GANAB: variants seen among roughly 807,000 people sequenced by gnomAD.
GANAB encodes neutral alpha-glucosidase AB.
GANAB carries 35 observed loss-of-function variants against 129.9 expected under a neutral mutation model. The ratio of observed to expected loss-of-function variants is 0.27; its 90% CI spans 0.21 to 0.36. The LOEUF (loss-of-function observed/expected upper bound fraction) is 0.36, where lower values mean the gene tolerates loss of function less well. Among genes scored for constraint, GANAB ranks in the 10% least tolerant of loss-of-function variants. The pLI is 1.00. For missense variants in GANAB, 939 were observed against 1,221.0 expected (o/e 0.77, Z 3.44); for synonymous variants, 482 against 451.8 (o/e 1.07, Z -0.85).
chr11:62,644,201 C>T (rs1453871707), intron 1 of GANAB, among the ~76,000 whole-genome samples: 5 of 152,084 alleles, frequency 3.3e-5, no homozygotes. Context: ...GCCTCGGCCT[C>T]CCAAAGTGCT....
rs752771425 is a variant in GANAB, at chr11:62,625,792, C to G, written c.*23G>C. ...AGCACTAATGCTCCCCTTCCCTCCC[C>G]CTAACCCAGAACATCCCTTGGGTTA... is the stretch of plus-strand genomic sequence containing the variant. On this transcript the variant is annotated 3_prime_UTR_variant, in exon 24 of 24. Transcript: ENST00000356638. 7.0e-7 allele frequency: 1 copy of G among 1,430,504 alleles called. No individual in the cohort carries two copies. Among genetic ancestry groups the G allele is most frequent in the South Asian group, 1.1e-5 (1 of 87,360 alleles). The allele number at this position is 1,430,504 out of a possible 1,614,324, so 88.6% of individuals were successfully genotyped here. A position where few individuals can be genotyped will look rare whatever the true frequency, so the allele number is the denominator to read the frequency against.
chr11:62,631,713 G>A (rs1250183677), intron 9 of GANAB, among the ~76,000 whole-genome samples: 2 of 151,880 alleles, frequency 1.3e-5, no homozygotes, highest in African/African-American at 4.8e-5. Context: ...TGTCCACCTC[G>A]CCCTCCCAAA....
In GANAB at chr11:62,629,628, A is replaced by G; in HGVS notation, c.1794T>C (p.Phe598=). The G allele has an allele frequency of 6.2e-7, 1 of 1,613,104 alleles. No individual in the cohort carries two copies. Among genetic ancestry groups the G allele is most frequent in the Non-Finnish European group, 8.5e-7 (1 of 1,179,568 alleles). ...RQRSGGMERP[F]VLARAFFAGS... ...CAGCGAAGAAGGCCCTGGCCAGGAC[A>G]AAGGGGCGTTCCATGCCCCCAGAGC... The change falls in exon 15 of 24, where the codon TTT becomes TTC. Residue 598 remains phenylalanine, a synonymous_variant. Coordinates refer to ENST00000356638, the MANE Select transcript of GANAB (RefSeq NM_198334.3).
chr11:62,630,819 G>A lies in GANAB; in HGVS notation c.1168C>T (p.Pro390Ser). 6.2e-7 allele frequency: 1 copy of A among 1,613,702 alleles called. No homozygotes were observed. Among genetic ancestry groups the A allele is most frequent in the Non-Finnish European group, 8.5e-7 (1 of 1,179,846 alleles). ...ASLTGTQALP[P>S]LFSLGYHQSR... ...TGGTGGTAGCCGAGGGAGAAGAGTGGGGGCAACGCCTGGGTTCCTGCAGGT... is the reference window on the plus strand; with the variant it reads ...TGGTGGTAGCCGAGGGAGAAGAGTGAGGGCAACGCCTGGGTTCCTGCAGGT... The change falls in exon 11 of 24, where the codon CCA becomes TCA. Residue 390 changes from proline to serine, a missense_variant. Coordinates refer to ENST00000356638, the MANE Select transcript of GANAB (RefSeq NM_198334.3).
chr11:62,635,567 A>G (rs902680373), intron 4 of GANAB, among the ~76,000 whole-genome samples: 1 of 132,692 alleles, frequency 7.5e-6, no homozygotes, highest in Non-Finnish European at 1.6e-5. Flanking sequence ...ATGGAACTGA[A>G]AAAACATTTT....
intron 1 of GANAB, among the ~76,000 whole-genome samples, chr11:62,645,896 GAT>G (rs375601342): frequency 2.6e-5 from 4 of 152,188 alleles, no homozygotes; most frequent in Admixed American, 1.3e-4. Context: ...TGGCACTGGT[GAT>G]ATGTTTCGAA....
At position 62,628,936 on chromosome 11, in the gene GANAB, T is replaced by C. The variant is rs569702178; in HGVS notation, c.2013A>G (p.Pro671=). ...VRWYQMGAYQ[P]FFRAHAHLDT... ...CCAAGTGGGCATGTGCCCGGAAGAA[T>C]GGCTGGTAAGCACCCATCTGGTACC... Residue 671 remains proline, a synonymous_variant, in exon 17 of 24, where the codon CCA becomes CCG. Coordinates refer to ENST00000356638, the MANE Select transcript of GANAB (RefSeq NM_198334.3). 13 of 1,614,144 alleles carry C rather than the reference T, an allele frequency of 8.1e-6. No individual in the cohort carries two copies. In the East Asian group the frequency reaches 2.0e-4, roughly 25 times the overall value.
chr11:62,630,822 G>A lies in GANAB; in HGVS notation c.1165C>T (p.Pro389Ser). 1.9e-6 allele frequency: 3 copies of A among 1,613,332 alleles called. No individual in the cohort carries two copies. Among genetic ancestry groups the A allele is most frequent in the Non-Finnish European group, 2.5e-6 (3 of 1,179,612 alleles). Reference protein sequence around the residue: ...YASLTGTQALPPLFSLGYHQS... With the variant: ...YASLTGTQALSPLFSLGYHQS... Reference sequence around the variant, plus strand: ...TGGTAGCCGAGGGAGAAGAGTGGGGGCAACGCCTGGGTTCCTGCAGGTTCA... The same window carrying A: ...TGGTAGCCGAGGGAGAAGAGTGGGGACAACGCCTGGGTTCCTGCAGGTTCA... The change falls in exon 11 of 24, where the codon CCC (proline) becomes TCC (serine). Residue 389 changes from proline (P) to serine (S), a missense_variant. By Grantham distance (74) the Pro-to-Ser change is moderately conservative. Transcript: ENST00000356638.
In GANAB at chr11:62,625,351, G is replaced by C. The variant is rs766091367; in HGVS notation, c.*464C>G. ...CATAAAAAGGGGAGTAAAGCCTGGA[G>C]GAAGAAATGAAAGGTGGGAGAGCAA... On this transcript the variant is annotated 3_prime_UTR_variant, in exon 24 of 24. Coordinates refer to ENST00000356638, the MANE Select transcript of GANAB (RefSeq NM_198334.3). 3 of 450,470 alleles carry C rather than the reference G, an allele frequency of 6.7e-6. No individual in the cohort carries two copies. Among genetic ancestry groups the C allele is most frequent in the Non-Finnish European group, 4.5e-6 (1 of 224,590 alleles). The allele number at this position is 450,470 out of a possible 1,614,324, so 27.9% of individuals were successfully genotyped here. A position where few individuals can be genotyped will look rare whatever the true frequency, so the allele number is the denominator to read the frequency against.
At chr11:62,634,424 C>T (rs1385075949) in intron 5 of GANAB, 2 of 1,216,522 alleles carry the variant, frequency 1.6e-6, no homozygotes, top group African/African-American at 3.0e-5. Flanking sequence ...GGCACAAAAC[C>T]AACACAAAAA....
At chr11:62,634,448 G>C (rs1287529872) in intron 5 of GANAB, 1 of 957,892 alleles carries the variant, frequency 1.0e-6, no homozygotes, top group South Asian at 1.3e-5. Flanking sequence ...AAACATAAAA[G>C]TGAGTTTCAG....
At chr11:62,642,973 T>C (rs1484447183) in intron 1 of GANAB, among the ~76,000 whole-genome samples, 3 of 152,180 alleles carry the variant, frequency 2.0e-5, no homozygotes, top group Non-Finnish European at 4.4e-5. Flanking sequence ...GGGGCCCATG[T>C]GCTTTACCAT....
Position 62,630,240 on chromosome 11 carries a change from A to G in GANAB, c.1550T>C (p.Met517Thr). The G allele has an allele frequency of 6.2e-7, 1 of 1,613,272 alleles. No individual in the cohort carries two copies. The highest frequency in any genetic ancestry group is 8.5e-7 in the Non-Finnish European group (1 of 1,179,360). Reference sequence around the variant, plus strand: ...GAACATGTTAGCCCACCAGGCCCTCATCGTGGGATTAGTGAAGTCAGGGTA... The same window carrying G: ...GAACATGTTAGCCCACCAGGCCCTCGTCGTGGGATTAGTGAAGTCAGGGTA... ...AGYPDFTNPT[M>T]RAWWANMFSY... Residue 517 changes from methionine (M) to threonine (T), a missense_variant, in exon 13 of 24, where the codon ATG becomes ACG. By Grantham distance (81) the Met-to-Thr change is moderately conservative (BLOSUM62 -1). Transcript: ENST00000356638.
chr11:62,635,331 G>A (rs986677451), intron 4 of GANAB, among the ~76,000 whole-genome samples: 4 of 151,948 alleles, frequency 2.6e-5, no homozygotes, highest in African/African-American at 7.3e-5. Context: ...TTACAGGCAT[G>A]CACCACCACA....
Position 62,628,812 on chromosome 11 carries a change from T to G in GANAB, c.2137A>C (p.Thr713Pro). ...QRYSLLPFWY[T>P]LLYQAHREGI... ...TCCCGATGGGCCTGATATAAGAGGG[T>G]GTACCAGAAGGGCAGCAAAGAATAT... The change falls in exon 17 of 24, where the codon ACC becomes CCC. Residue 713 changes from threonine to proline, a missense_variant. Thr to Pro is a conservative substitution (Grantham distance 38). This residue lies in a region of GANAB where 147 missense variants were observed against 282.4 expected (regional missense o/e 0.52). Coordinates refer to ENST00000356638, the MANE Select transcript of GANAB (RefSeq NM_198334.3). 6.2e-7 allele frequency: 1 copy of G among 1,614,022 alleles called. No homozygotes were observed. Among genetic ancestry groups the G allele is most frequent in the Non-Finnish European group, 8.5e-7 (1 of 1,179,990 alleles).
chr11:62,646,118 G>A (rs1045707654), intron 1 of GANAB, among the ~76,000 whole-genome samples: 1 of 152,226 alleles, frequency 6.6e-6, no homozygotes, highest in Non-Finnish European at 1.5e-5. Flanking sequence ...GAGCCAGAAG[G>A]GTAGTACAGG....
At chr11:62,643,639 C>T (rs1000972057) in intron 1 of GANAB, among the ~76,000 whole-genome samples, 1 of 151,946 alleles carries the variant, frequency 6.6e-6, no homozygotes, top group African/African-American at 2.4e-5. Flanking sequence ...CGAAACACCA[C>T]CTAGAAAAAA....
Position 62,625,435 on chromosome 11 carries a change from A to G in GANAB, c.*380T>C, listed in dbSNP as rs1361053250. 1.0e-5 allele frequency: 4 copies of G among 396,180 alleles called. No individual in the cohort carries two copies. Among genetic ancestry groups the G allele is most frequent in the East Asian group, 1.4e-4 (2 of 14,702 alleles). 24.5% of individuals were successfully genotyped at this position (396,180 alleles called of 1,614,324 possible). Reference sequence around the variant, plus strand: ...CTCATTGCCCTCATCTTCTTCCAAGAAGTGGCATCAACATACAAGAGGCAT... The same window carrying G: ...CTCATTGCCCTCATCTTCTTCCAAGGAGTGGCATCAACATACAAGAGGCAT... On this transcript the variant is annotated 3_prime_UTR_variant, in exon 24 of 24. Coordinates refer to ENST00000356638, the MANE Select transcript of GANAB (RefSeq NM_198334.3).
At chr11:62,629,130 TC>T (rs1394323114) in intron 16 of GANAB, 63 bp downstream of exon 16, 2 of 1,529,662 alleles carry the variant, frequency 1.3e-6, no homozygotes, top group African/African-American at 2.7e-5. Flanking sequence ...AACACCTTGG[TC>T]CTGTGCCCTC....
Sources: gnomAD v4.1 joint callset for allele counts (sites outside exome capture counted in the v4.1 genomes callset) on GRCh38, gnomAD v4.1.1 for gene constraint, gnomAD v4.1.1 regional missense constraint, MANE v1.5 for transcripts, NCBI Gene and HGNC (gene_info 2026-07-23, HGNC 2026-07-21) for gene names.